Variants in ELMO1 observed in about 807,000 individuals in gnomAD.
ELMO1 encodes engulfment and cell motility 1.
ELMO1 carries 26 observed loss-of-function variants against 98.9 expected under a neutral mutation model. The observed-to-expected ratio is 0.26, with a 90% CI of 0.19 to 0.36. The LOEUF is 0.36. Among genes scored for constraint, ELMO1 ranks in the 10% least tolerant of loss-of-function variants. ELMO1 has a pLI of 1.00. For synonymous variants in ELMO1, 346 were observed against 346.0 expected (o/e 1.00, Z 0.00); for missense variants, 627 against 935.2 (o/e 0.67, Z 4.30).
intron 13 of ELMO1, among the ~76,000 whole-genome samples, chr7:37,149,503 A>C (rs1283982053): frequency 6.6e-6 from 1 of 152,202 alleles, no homozygotes. Context: ...AAAAGAAAAA[A>C]ATCTGTGATG....
intron 16 of ELMO1, among the ~76,000 whole-genome samples, chr7:36,961,160 C>T (rs77609525): frequency 0.025 from 3,782 of 152,280 alleles, 160 homozygotes; most frequent in African/African-American, 0.087. Flanking sequence ...TTTTCCACTA[C>T]TATAAGCTTC....
chr7:36,934,993 C>T (rs539074995), intron 16 of ELMO1, among the ~76,000 whole-genome samples: 29 of 152,304 alleles, frequency 1.9e-4, no homozygotes, highest in South Asian at 1.0e-3. Context: ...GTGGTCTCCA[C>T]CACTGCAAGT....
At chr7:36,896,932 G>A (rs1806052492) in intron 16 of ELMO1, among the ~76,000 whole-genome samples, 1 of 152,178 alleles carries the variant, frequency 6.6e-6, no homozygotes, top group African/African-American at 2.4e-5. Context: ...TGGACATGGT[G>A]AGAGACAAAG....
chr7:37,131,504 TC>T (rs978167921), intron 14 of ELMO1, among the ~76,000 whole-genome samples: 6 of 152,170 alleles, frequency 3.9e-5, no homozygotes, highest in African/African-American at 1.4e-4. Flanking sequence ...ATCAATAAGC[TC>T]CAATTTTAGA....
chr7:37,254,601 A>AATATTTG (rs1795541508), intron 6 of ELMO1, among the ~76,000 whole-genome samples: 1 of 152,182 alleles, frequency 6.6e-6, no homozygotes, highest in Non-Finnish European at 1.5e-5. Flanking sequence ...CGCAATGGTA[A>AATATTTG]CACAATAGCA....
chr7:37,353,340 A>T (rs1801360018), intron 1 of ELMO1: 1 of 152,522 alleles, frequency 6.6e-6, no homozygotes, highest in Non-Finnish European at 1.5e-5. Context: ...TCAGATGTTC[A>T]GATGCGTCCG....
chr7:37,388,642 C>G (rs1312096792), intron 1 of ELMO1, among the ~76,000 whole-genome samples: 2 of 149,906 alleles, frequency 1.3e-5, no homozygotes, highest in African/African-American at 2.4e-5. Flanking sequence ...AAAAAACACA[C>G]AAAAGACTGC....
At chr7:37,142,896 A>C (rs1387749408) in intron 13 of ELMO1, among the ~76,000 whole-genome samples, 2 of 152,214 alleles carry the variant, frequency 1.3e-5, no homozygotes, top group Non-Finnish European at 2.9e-5. Flanking sequence ...ATGGAGGAGA[A>C]GATCCCATGG....
chr7:36,919,892 T>C (rs1419385437), intron 16 of ELMO1, among the ~76,000 whole-genome samples: 1 of 152,204 alleles, frequency 6.6e-6, no homozygotes, highest in East Asian at 1.9e-4. Flanking sequence ...AACGAATCAA[T>C]GCCTTAATTA....
intron 1 of ELMO1, among the ~76,000 whole-genome samples, chr7:37,433,066 C>T (rs1054073109): frequency 1.3e-5 from 2 of 152,154 alleles, no homozygotes; most frequent in Non-Finnish European, 2.9e-5. Flanking sequence ...TGGCCGTGTG[C>T]CTCTCCAACA....
At chr7:37,324,021 T>C (rs1007805006) in intron 2 of ELMO1, among the ~76,000 whole-genome samples, 1 of 152,200 alleles carries the variant, frequency 6.6e-6, no homozygotes, top group African/African-American at 2.4e-5. Flanking sequence ...AGGGGAGTCC[T>C]TGGCTGTTTA....
At chr7:36,960,742 A>C (rs1439271387) in intron 16 of ELMO1, among the ~76,000 whole-genome samples, 3 of 152,200 alleles carry the variant, frequency 2.0e-5, no homozygotes, top group Admixed American at 2.0e-4. Flanking sequence ...ACAAACTGAA[A>C]ATAGTACTGT....
At chr7:37,419,295 G>A (rs554855051) in intron 1 of ELMO1, among the ~76,000 whole-genome samples, 1 of 152,278 alleles carries the variant, frequency 6.6e-6, no homozygotes, top group South Asian at 2.1e-4. Context: ...CTTTGTTAGA[G>A]TACTTGGTGA....
rs911490118 is a variant in ELMO1, at chr7:36,854,215, T to C, written c.*1336A>G. ...GTGGAGGGTTTCCCACAGCAGTGTT[T>C]TTCAAACCAATGTACATAAACATCA... On this transcript the variant is annotated 3_prime_UTR_variant, in exon 22 of 22. Transcript: ENST00000310758. 2 of 152,106 alleles carry C rather than the reference T, an allele frequency of 1.3e-5. No homozygotes were observed. Among genetic ancestry groups the C allele is most frequent in the Non-Finnish European group, 2.9e-5 (2 of 68,022 alleles). 9.4% of individuals were successfully genotyped at this position (152,106 alleles called of 1,614,324 possible).
intron 2 of ELMO1, among the ~76,000 whole-genome samples, chr7:37,317,146 C>G (rs1799219528): frequency 6.6e-6 from 1 of 152,106 alleles, no homozygotes; most frequent in Admixed American, 6.5e-5. Flanking sequence ...TCCTTGCATC[C>G]TCACCCTTGG....
chr7:36,890,745 T>C (rs893412544), intron 17 of ELMO1, among the ~76,000 whole-genome samples: 2 of 152,204 alleles, frequency 1.3e-5, no homozygotes, highest in Admixed American at 6.5e-5. Context: ...CTATTTCCAA[T>C]ACAGCATCAG....
chr7:36,969,762 C>T (rs1216456224), intron 16 of ELMO1, among the ~76,000 whole-genome samples: 2 of 152,126 alleles, frequency 1.3e-5, no homozygotes, highest in Non-Finnish European at 2.9e-5. Context: ...AAGGTGGCTA[C>T]ATCTAGTAAA....
At chr7:36,896,371 C>T (rs1805997712) in intron 16 of ELMO1, among the ~76,000 whole-genome samples, 1 of 152,182 alleles carries the variant, frequency 6.6e-6, no homozygotes, top group African/African-American at 2.4e-5. Flanking sequence ...ATATTTCTTG[C>T]CTTCCGTGAA....
intron 15 of ELMO1, among the ~76,000 whole-genome samples, chr7:37,090,197 T>C (rs1210005441): frequency 6.6e-6 from 1 of 152,194 alleles, no homozygotes; most frequent in East Asian, 1.9e-4. Flanking sequence ...TCTACACAAC[T>C]CTGGACTTAT....
Sources: gnomAD v4.1 joint callset for allele counts (sites outside exome capture counted in the v4.1 genomes callset) on GRCh38, gnomAD v4.1.1 for gene constraint, MANE v1.5 for transcripts, NCBI Gene and HGNC (gene_info 2026-07-23, HGNC 2026-07-21) for gene names.